Variants in DPYD observed in about 807,000 individuals in gnomAD.
DPYD encodes dihydropyrimidine dehydrogenase.
A neutral mutation model predicts 116.2 loss-of-function variants in DPYD; 109 were observed. That is an observed-to-expected ratio of 0.94 (90% CI 0.80 to 1.10). DPYD has a LOEUF of 1.10. Ranked by LOEUF, DPYD falls within the 50% of genes least tolerant of loss-of-function variation. The probability of loss-of-function intolerance (pLI) is 0.00; values close to 1 mark genes in which losing one functional copy is unlikely to be tolerated. For synonymous variants in DPYD, 440 were observed against 432.0 expected, an observed-to-expected ratio of 1.02 and a Z score of -0.23; for missense variants, 1,302 against 1,254.5, an observed-to-expected ratio of 1.04 and a Z score of -0.57.
intron 16 of DPYD, among the ~76,000 whole-genome samples, chr1:97,318,882 T>C (rs554905977): frequency 2.0e-5 from 3 of 148,366 alleles, no homozygotes; most frequent in Non-Finnish European, 3.0e-5. Context: ...ACAAACTATC[T>C]CTCAGACAAC....
chr1:97,700,969 G>C (rs1661566909), intron 5 of DPYD, among the ~76,000 whole-genome samples: 1 of 151,032 alleles, frequency 6.6e-6, no homozygotes, highest in Admixed American at 6.6e-5. Flanking sequence ...TTATAAATAG[G>C]TGGTAGAGGG....
At chr1:97,566,272 T>TA (rs1261168828) in intron 11 of DPYD, among the ~76,000 whole-genome samples, 2 of 152,188 alleles carry the variant, frequency 1.3e-5, no homozygotes, top group African/African-American at 4.8e-5. Context: ...TTCACTACTT[T>TA]ATCCCTGAAA....
At chr1:97,346,101 A>G (rs1315474334) in intron 16 of DPYD, among the ~76,000 whole-genome samples, 1 of 151,846 alleles carries the variant, frequency 6.6e-6, no homozygotes, top group Non-Finnish European at 1.5e-5. Flanking sequence ...AAATGTTTTT[A>G]TCTTCCATAT....
chr1:97,535,369 G>A (rs1039412025), intron 12 of DPYD, among the ~76,000 whole-genome samples: 2 of 152,100 alleles, frequency 1.3e-5, no homozygotes, highest in African/African-American at 4.8e-5. Flanking sequence ...ATGCATTAGA[G>A]CGCTGAAAAT....
intron 16 of DPYD, among the ~76,000 whole-genome samples, chr1:97,336,257 G>T (rs964875896): frequency 3.3e-5 from 5 of 152,140 alleles, no homozygotes; most frequent in African/African-American, 1.2e-4. Context: ...GCCTGACCCA[G>T]AACAGGTAAA....
intron 13 of DPYD, among the ~76,000 whole-genome samples, chr1:97,466,185 C>T (rs1677313062): frequency 6.6e-6 from 1 of 152,100 alleles, no homozygotes; most frequent in Non-Finnish European, 1.5e-5. Context: ...AAAAAGTTGG[C>T]AAATAGAAAA....
intron 12 of DPYD, among the ~76,000 whole-genome samples, chr1:97,531,052 A>T (rs1649587412): frequency 6.6e-6 from 1 of 152,160 alleles, no homozygotes; most frequent in Non-Finnish European, 1.5e-5. Flanking sequence ...ATTTCTTCCC[A>T]TTCTAAAGGC....
chr1:97,742,620 T>C lies in DPYD; in HGVS notation c.234-2141A>G, dbSNP rs1031473844. ...TTTCTTCGAAGTATAATCTGCAGCA[T>C]ACATTGCAAACAATACAAAAAGCTC... On this transcript the variant is annotated intron_variant, in intron 3 of 22. Transcript: ENST00000370192. Among the ~76,000 whole-genome samples, 103 of 152,160 alleles carry C rather than the reference T, an allele frequency of 6.8e-4. 3 individuals carry two copies. Among genetic ancestry groups the C allele is most frequent in the South Asian group, 6.2e-4 (3 of 4,834 alleles).
rs567156406 is a variant in DPYD, at chr1:97,385,280, C to CAAA, written c.1906-2822_1906-2820dup. 1.6e-4 allele frequency among the ~76,000 whole-genome samples: 8 copies of CAAA among 48,938 alleles called. 1 individual carries two copies. Among genetic ancestry groups the CAAA allele is most frequent in the African/African-American group, 5.1e-4 (4 of 7,872 alleles). The allele number at this position is 48,938 out of a possible 152,430, so 32.1% of individuals were successfully genotyped here. A position where few individuals can be genotyped will look rare whatever the true frequency, so the allele number is the denominator to read the frequency against. ...TACCTCTTGGTGTAGGCATTCCTTGCAAAAAAAAAAAAAAAAAAAAAAAAA... is the reference window on the plus strand; with the variant it reads ...TACCTCTTGGTGTAGGCATTCCTTGCAAAAAAAAAAAAAAAAAAAAAAAAAAAA... On this transcript the variant is annotated intron_variant, in intron 14 of 22. Transcript: ENST00000370192.
intron 8 of DPYD, among the ~76,000 whole-genome samples, chr1:97,638,812 G>C (rs1393275065): frequency 6.6e-6 from 1 of 151,976 alleles, no homozygotes; most frequent in African/African-American, 2.4e-5. Flanking sequence ...AACTTACAGG[G>C]TGAGAACTCA....
chr1:97,438,381 C>T lies in DPYD; in HGVS notation c.1905+11678G>A, dbSNP rs1006282060. Among the ~76,000 whole-genome samples, 33 of 152,104 alleles carry T rather than the reference C, an allele frequency of 2.2e-4. 1 individual carries two copies. Among genetic ancestry groups the T allele is most frequent in the African/African-American group, 7.5e-4 (31 of 41,558 alleles). ...TATATTCTTCCATTTATTAGGTTGT[C>T]TTTAATTTCTCTCAGAAATGGATTG... On this transcript the variant is annotated intron_variant, in intron 14 of 22. Coordinates refer to ENST00000370192, the MANE Select transcript of DPYD (RefSeq NM_000110.4).
intron 16 of DPYD, among the ~76,000 whole-genome samples, chr1:97,350,734 T>G (rs185704644): frequency 2.9e-4 from 44 of 152,180 alleles, no homozygotes; most frequent in Non-Finnish European, 5.0e-4. Flanking sequence ...TTGTTTTACA[T>G]ACTGACTTTA....
At chr1:97,346,080 A>T (rs1669827154) in intron 16 of DPYD, among the ~76,000 whole-genome samples, 2 of 151,864 alleles carry the variant, frequency 1.3e-5, no homozygotes, top group African/African-American at 4.8e-5. Context: ...AAGAACATAT[A>T]ATTTAGTATT....
intron 8 of DPYD, among the ~76,000 whole-genome samples, chr1:97,614,278 G>A (rs1007512296): frequency 6.6e-6 from 1 of 152,010 alleles, no homozygotes; most frequent in Admixed American, 6.6e-5. Flanking sequence ...TACTACAAGA[G>A]TTAGAGACTT....
intron 18 of DPYD, among the ~76,000 whole-genome samples, chr1:97,276,279 GCAA>G (rs1664922229): frequency 6.6e-6 from 1 of 151,990 alleles, no homozygotes; most frequent in Non-Finnish European, 1.5e-5. Context: ...AAAAGCAATT[GCAA>G]CAACAACAAA....
intron 20 of DPYD, among the ~76,000 whole-genome samples, chr1:97,132,230 G>C (rs963214990): frequency 2.0e-5 from 3 of 152,036 alleles, no homozygotes; most frequent in African/African-American, 7.2e-5. Context: ...TCACCAACAG[G>C]AACATCGTTC....
intron 20 of DPYD, among the ~76,000 whole-genome samples, chr1:97,143,038 A>G (rs1354873093): frequency 6.6e-6 from 1 of 152,042 alleles, no homozygotes; most frequent in East Asian, 1.9e-4. Flanking sequence ...ATATATGGGT[A>G]TTATCATAGC....
chr1:97,261,347 A>G (rs147721428), intron 18 of DPYD, among the ~76,000 whole-genome samples: 1 of 152,170 alleles, frequency 6.6e-6, no homozygotes, highest in East Asian at 1.9e-4. Context: ...TTTATTGTAA[A>G]TATATGTATC....
chr1:97,908,847 A>G (rs1673779270), intron 1 of DPYD, among the ~76,000 whole-genome samples: 1 of 152,034 alleles, frequency 6.6e-6, no homozygotes, highest in Non-Finnish European at 1.5e-5. Flanking sequence ...CTTCCATGAT[A>G]CACTATTATG....
Sources: allele counts gnomAD v4.1 joint callset (sites outside exome capture counted in the v4.1 genomes callset), GRCh38; gene constraint gnomAD v4.1.1; transcripts MANE v1.5; gene names NCBI Gene and HGNC (gene_info 2026-07-23, HGNC 2026-07-21).